CNTN4: variants seen among roughly 807,000 people sequenced by gnomAD.
CNTN4 encodes contactin 4, also known as contactin-4.
In CNTN4, 77 loss-of-function variants were observed where a neutral mutation model predicts 122.5. The ratio of observed to expected loss-of-function variants is 0.63; its 90% CI spans 0.52 to 0.76. The LOEUF (loss-of-function observed/expected upper bound fraction) is 0.76. Ranked by LOEUF, CNTN4 falls within the 30% of genes least tolerant of loss-of-function variation. The probability of loss-of-function intolerance (pLI) is 0.00; values close to 1 mark genes in which losing one functional copy is unlikely to be tolerated. For synonymous variants in CNTN4, 512 were observed against 447.0 expected (o/e 1.15, Z -1.83); for missense variants, 1,256 against 1,259.1 (o/e 1.00, Z 0.04).
At chr3:2,158,445 G>A (rs1308527076) in intron 2 of CNTN4, among the ~76,000 whole-genome samples, 2 of 152,126 alleles carry the variant, frequency 1.3e-5, no homozygotes, top group African/African-American at 4.8e-5. Flanking sequence ...AAAGAATTAT[G>A]GGGGACACAT....
chr3:2,401,568 T>G (rs1472428871), intron 3 of CNTN4, among the ~76,000 whole-genome samples: 2 of 152,164 alleles, frequency 1.3e-5, no homozygotes, highest in Non-Finnish European at 2.9e-5. Context: ...GTTTCTAATA[T>G]TTTGGCTTTT....
rs540662354 is a variant in CNTN4 at position 2,963,324 on chromosome 3, T to C, written c.1359-25021T>C. Among the ~76,000 whole-genome samples, 16 of 152,326 alleles carry C rather than the reference T, an allele frequency of 1.1e-4. No individual in the cohort carries two copies. In the East Asian group the frequency reaches 2.9e-3, roughly 27 times the overall value. On this transcript the variant is annotated intron_variant, in intron 13 of 24. Coordinates refer to ENST00000418658, the MANE Select transcript of CNTN4 (RefSeq NM_175607.3). ...CCTTTTATAGATATTTATAATACTA[T>C]ACACTTTTCCTTTACAGTACCTCAT...
intron 12 of CNTN4, among the ~76,000 whole-genome samples, chr3:2,924,358 A>G (rs1196267122): frequency 6.6e-6 from 1 of 151,648 alleles, no homozygotes; most frequent in Non-Finnish European, 1.5e-5. Flanking sequence ...GTTCTCCTTT[A>G]AGTAATTTGT....
At position 2,432,224 on chromosome 3, in the gene CNTN4, C is replaced by G. The variant is rs368185275; in HGVS notation, c.-89+92991C>G. On this transcript the variant is annotated intron_variant, in intron 3 of 24. Coordinates refer to ENST00000418658, the MANE Select transcript of CNTN4 (RefSeq NM_175607.3). ...AAGCCATACCCAAATATCACCTGAA[C>G]TAACTCTCCCTTTCTCCCTTCCATC... Among the ~76,000 whole-genome samples the G allele has an allele frequency of 1.2e-4, 18 of 152,310 alleles. No individual in the cohort carries two copies. In the East Asian group the frequency reaches 1.5e-3, roughly 13 times the overall value.
chr3:2,405,904 G>A (rs765847901), intron 3 of CNTN4, among the ~76,000 whole-genome samples: 1 of 152,002 alleles, frequency 6.6e-6, no homozygotes, highest in East Asian at 1.9e-4. Context: ...GTGCATGCCT[G>A]TAGTCCTAGC....
At chr3:2,807,535 A>T (rs900811324) in intron 6 of CNTN4, among the ~76,000 whole-genome samples, 1 of 151,994 alleles carries the variant, frequency 6.6e-6, no homozygotes, top group East Asian at 1.9e-4. Context: ...AGCATCCAGT[A>T]TCCCAAGATA....
intron 2 of CNTN4, among the ~76,000 whole-genome samples, chr3:2,102,341 C>A (rs1014181379): frequency 6.6e-6 from 1 of 152,090 alleles, no homozygotes; most frequent in Non-Finnish European, 1.5e-5. Flanking sequence ...TTTCTGTGAG[C>A]CTTAGTTTCT....
At chr3:2,252,893 T>C (rs941142143) in intron 2 of CNTN4, among the ~76,000 whole-genome samples, 5 of 152,176 alleles carry the variant, frequency 3.3e-5, no homozygotes, top group African/African-American at 1.2e-4. Context: ...TACGTTTTCT[T>C]ATTTAGTTAT....
intron 2 of CNTN4, among the ~76,000 whole-genome samples, chr3:2,233,938 C>T (rs1464068932): frequency 6.6e-6 from 1 of 151,962 alleles, no homozygotes; most frequent in Admixed American, 6.6e-5. Flanking sequence ...AAAAAAATCA[C>T]CTGGAAAATC....
chr3:2,962,810 C>T (rs947257070), intron 13 of CNTN4, among the ~76,000 whole-genome samples: 1 of 152,210 alleles, frequency 6.6e-6, no homozygotes, highest in Non-Finnish European at 1.5e-5. Context: ...TAGGCGAAAA[C>T]AACAACAATT....
intron 13 of CNTN4, among the ~76,000 whole-genome samples, chr3:2,970,937 G>A (rs994893072): frequency 2.6e-4 from 40 of 151,618 alleles, no homozygotes; most frequent in African/African-American, 9.2e-4. Flanking sequence ...ACAGGTGCCC[G>A]CCACCATGCC....
At chr3:2,352,025 A>G (rs894496618) in intron 3 of CNTN4, among the ~76,000 whole-genome samples, 2 of 152,146 alleles carry the variant, frequency 1.3e-5, no homozygotes, top group Non-Finnish European at 2.9e-5. Context: ...ATCATTTTTG[A>G]TTTTTACATA....
chr3:2,243,907 A>G (rs926377787), intron 2 of CNTN4, among the ~76,000 whole-genome samples: 5 of 152,070 alleles, frequency 3.3e-5, no homozygotes, highest in Non-Finnish European at 7.4e-5. Flanking sequence ...TTGGAGACAA[A>G]GCTGAAAGCA....
At chr3:2,375,646 G>A (rs1238645250) in intron 3 of CNTN4, among the ~76,000 whole-genome samples, 1 of 152,030 alleles carries the variant, frequency 6.6e-6, no homozygotes, top group Non-Finnish European at 1.5e-5. Flanking sequence ...TCTTCCCAGG[G>A]GCCTGCCCTA....
At chr3:2,462,081 A>G (rs762064695) in intron 3 of CNTN4, among the ~76,000 whole-genome samples, 2 of 152,300 alleles carry the variant, frequency 1.3e-5, no homozygotes, top group Middle Eastern at 3.4e-3. Flanking sequence ...ACCATCCTCA[A>G]GTACACAAGA....
chr3:3,009,781 C>G (rs1367014117), intron 14 of CNTN4, among the ~76,000 whole-genome samples: 1 of 152,152 alleles, frequency 6.6e-6, no homozygotes, highest in Non-Finnish European at 1.5e-5. Flanking sequence ...GTTAGTTGTC[C>G]TCACATGTCT....
At chr3:2,860,659 T>C (rs867397857) in intron 7 of CNTN4, among the ~76,000 whole-genome samples, 22 of 152,194 alleles carry the variant, frequency 1.4e-4, no homozygotes, top group Admixed American at 1.1e-3. Context: ...ACACTGCCCC[T>C]CCACTCTTGT....
intron 13 of CNTN4, among the ~76,000 whole-genome samples, chr3:2,981,380 C>G (rs57224067): frequency 1.8e-4 from 27 of 151,312 alleles, no homozygotes; most frequent in Admixed American, 1.6e-3. Context: ...GGAGTTGGAG[C>G]TTGCAGTGAG....
At chr3:2,935,502 T>G (rs2094559956) in intron 13 of CNTN4, among the ~76,000 whole-genome samples, 1 of 152,194 alleles carries the variant, frequency 6.6e-6, no homozygotes, top group Non-Finnish European at 1.5e-5. Context: ...CTCACCCAAA[T>G]CTTCTACAAG....
Sources: gnomAD v4.1 joint callset for allele counts (sites outside exome capture counted in the v4.1 genomes callset) on GRCh38, gnomAD v4.1.1 for gene constraint, MANE v1.5 for transcripts, NCBI Gene and HGNC (gene_info 2026-07-23, HGNC 2026-07-21) for gene names.